The following LMTK2 variants were observed in gnomAD, a reference collection of about 807,000 sequenced individuals.
LMTK2 encodes the protein serine/threonine-protein kinase LMTK2.
In LMTK2, 37 loss-of-function variants were observed where a neutral mutation model predicts 127.5. The observed-to-expected ratio is 0.29, with a 90% CI of 0.22 to 0.38. The LOEUF is 0.38. LMTK2 is among the 10% of genes least tolerant of loss of function. The probability of loss-of-function intolerance (pLI) is 1.00; values close to 1 mark genes in which losing one functional copy is unlikely to be tolerated. For missense variants in LMTK2, 1,694 were observed against 1,920.3 expected (o/e 0.88, Z 2.20); for synonymous variants, 819 against 810.1 (o/e 1.01, Z -0.19).
chr7:98,132,539 G>A (rs1231151879), intron 1 of LMTK2, among the ~76,000 whole-genome samples: 1 of 151,986 alleles, frequency 6.6e-6, no homozygotes, highest in Non-Finnish European at 1.5e-5. Flanking sequence ...GTGAGCCACC[G>A]CACCCAACCA....
chr7:98,205,219 G>A (rs1313087552), intron 13 of LMTK2, among the ~76,000 whole-genome samples: 6 of 152,246 alleles, frequency 3.9e-5, no homozygotes, highest in Admixed American at 3.9e-4. Flanking sequence ...CAGATGTGTG[G>A]ATCCCAGCTG....
At chr7:98,169,727 C>T (rs568870369) in intron 6 of LMTK2, among the ~76,000 whole-genome samples, 1 of 152,060 alleles carries the variant, frequency 6.6e-6, no homozygotes, top group East Asian at 1.9e-4. Flanking sequence ...ATTTAATTGT[C>T]TTCTGAATCA....
At chr7:98,185,296 G>A (rs1797416624) in intron 8 of LMTK2, among the ~76,000 whole-genome samples, 161 bp downstream of exon 8, 1 of 152,188 alleles carries the variant, frequency 6.6e-6, no homozygotes, top group South Asian at 2.1e-4. Flanking sequence ...TCTGGCGTGT[G>A]GCTTGTGTAA....
intron 3 of LMTK2, among the ~76,000 whole-genome samples, chr7:98,151,065 G>T (rs1796845169): frequency 6.6e-6 from 1 of 152,150 alleles, no homozygotes; most frequent in African/African-American, 2.4e-5. Flanking sequence ...CATATGTCTA[G>T]GTGAGCTGTT....
intron 5 of LMTK2, among the ~76,000 whole-genome samples, chr7:98,157,948 A>T (rs908689157): frequency 6.6e-6 from 1 of 152,200 alleles, no homozygotes; most frequent in South Asian, 2.1e-4. Flanking sequence ...ACTTTATCAC[A>T]GTGGCAGTTC....
intron 3 of LMTK2, among the ~76,000 whole-genome samples, chr7:98,143,682 T>C (rs1351647988): frequency 6.6e-6 from 1 of 152,244 alleles, no homozygotes; most frequent in African/African-American, 2.4e-5. Context: ...TTAGTGCAGC[T>C]ATAAATTGCT....
chr7:98,172,940 T>C (rs1240454861), intron 7 of LMTK2, among the ~76,000 whole-genome samples: 2 of 152,128 alleles, frequency 1.3e-5, no homozygotes, highest in Non-Finnish European at 2.9e-5. Flanking sequence ...GTATTTTCAG[T>C]ACAGATGGGG....
chr7:98,161,526 G>A (rs1275243608), intron 6 of LMTK2, among the ~76,000 whole-genome samples: 1 of 152,166 alleles, frequency 6.6e-6, no homozygotes, highest in Admixed American at 6.5e-5. Context: ...CCAGTGAGAG[G>A]TGACACAGGA....
Position 98,192,791 on chromosome 7 carries a change from A to C in LMTK2, c.2326A>C (p.Asn776His), listed in dbSNP as rs1446703466. 28 of 1,613,962 alleles carry C rather than the reference A, an allele frequency of 1.7e-5. No homozygotes were observed. The highest frequency in any genetic ancestry group is 2.4e-5 in the Non-Finnish European group (28 of 1,179,884). Residue 776 changes from asparagine (N) to histidine (H), a missense_variant, in exon 11 of 14, where the codon AAT becomes CAT. By Grantham distance (68) the Asn-to-His change is moderately conservative. Transcript: ENST00000297293. Reference protein sequence around the residue: ...SLDTELQFAENKPGLSLLQEN... With the variant: ...SLDTELQFAEHKPGLSLLQEN... ...AGATACTGAGCTTCAGTTTGCTGAAAATAAGCCAGGCTTGTCTTTGTTGCA... is the reference window on the plus strand; with the variant it reads ...AGATACTGAGCTTCAGTTTGCTGAACATAAGCCAGGCTTGTCTTTGTTGCA...
At chr7:98,205,399 C>T in intron 13 of LMTK2, 65 bp from the exon 14 acceptor site, 1 of 1,595,500 alleles carries the variant, frequency 6.3e-7, no homozygotes, top group East Asian at 2.2e-5. Flanking sequence ...ATGCCATCCA[C>T]GCCATGCCTG....
intron 11 of LMTK2, among the ~76,000 whole-genome samples, chr7:98,195,952 G>A (rs1468005854): frequency 6.6e-6 from 1 of 152,198 alleles, no homozygotes; most frequent in Non-Finnish European, 1.5e-5. Context: ...CACTTTGGGA[G>A]GCCAAGGTGG....
chr7:98,182,853 T>G (rs1373358730), intron 7 of LMTK2, among the ~76,000 whole-genome samples: 1 of 152,228 alleles, frequency 6.6e-6, no homozygotes, highest in East Asian at 1.9e-4. Context: ...AATAAAACTT[T>G]AAGCTTTCCA....
At chr7:98,182,017 A>C (rs746641057) in intron 7 of LMTK2, among the ~76,000 whole-genome samples, 2 of 152,214 alleles carry the variant, frequency 1.3e-5, no homozygotes, top group Non-Finnish European at 2.9e-5. Context: ...TAGTGTTTTC[A>C]ACAAATGCTG....
chr7:98,173,832 G>A (rs963617463), intron 7 of LMTK2, among the ~76,000 whole-genome samples: 65 of 152,132 alleles, frequency 4.3e-4, no homozygotes, highest in African/African-American at 5.1e-4. Context: ...CGAGGCAGGC[G>A]GATCACAAGG....
At chr7:98,156,769 G>T (rs1490094117) in intron 5 of LMTK2, among the ~76,000 whole-genome samples, 2 of 152,216 alleles carry the variant, frequency 1.3e-5, no homozygotes, top group African/African-American at 2.4e-5. Flanking sequence ...TCTAGAGTCT[G>T]CAGGGTGGAC....
At chr7:98,113,012 C>T (rs1034727572) in intron 1 of LMTK2, among the ~76,000 whole-genome samples, 2 of 152,166 alleles carry the variant, frequency 1.3e-5, no homozygotes, top group African/African-American at 4.8e-5. Context: ...CAGACACTTA[C>T]CTGTAGGTGT....
At chr7:98,204,838 C>T (rs965714215) in intron 13 of LMTK2, among the ~76,000 whole-genome samples, 5 of 152,226 alleles carry the variant, frequency 3.3e-5, no homozygotes, top group Non-Finnish European at 5.9e-5. Context: ...CTGTCTCCTC[C>T]TTTCCCAGAG....
intron 1 of LMTK2, among the ~76,000 whole-genome samples, chr7:98,134,620 GCCTGGAC>G (rs886863456): frequency 2.0e-5 from 3 of 150,326 alleles, no homozygotes; most frequent in Non-Finnish European, 4.4e-5. Context: ...TTCAAGACCA[GCCTGGAC>G]AACATAGTGA....
chr7:98,124,965 T>C (rs1796422973), intron 1 of LMTK2, among the ~76,000 whole-genome samples: 1 of 152,188 alleles, frequency 6.6e-6, no homozygotes, highest in Admixed American at 6.5e-5. Context: ...GATTTAGTTG[T>C]AATATCAGAA....
Sources: gnomAD v4.1 joint callset for allele counts (sites outside exome capture counted in the v4.1 genomes callset) on GRCh38, gnomAD v4.1.1 for gene constraint, MANE v1.5 for transcripts, NCBI Gene and HGNC (gene_info 2026-07-23, HGNC 2026-07-21) for gene names.